The following TARDBP variants were observed in gnomAD, a reference collection of about 807,000 sequenced individuals.
TARDBP encodes TAR DNA binding protein, also known as TAR DNA-binding protein 43.
Under a neutral mutation model 38.3 loss-of-function variants are expected in TARDBP, and 4 were observed. The ratio of observed to expected loss-of-function variants is 0.10; its 90% CI spans 0.05 to 0.24. The LOEUF (loss-of-function observed/expected upper bound fraction) is 0.24, where lower values mean the gene tolerates loss of function less well. Ranked by LOEUF, TARDBP falls within the 10% of genes least tolerant of loss-of-function variation. TARDBP has a pLI of 1.00. For synonymous variants in TARDBP, 184 were observed against 183.8 expected, an observed-to-expected ratio of 1.00 and a Z score of -0.01; for missense variants, 202 against 521.9, an observed-to-expected ratio of 0.39 and a Z score of 5.97.
chr1:11,014,532 A>G (rs1023255841), intron 2 of TARDBP, among the ~76,000 whole-genome samples: 1 of 152,230 alleles, frequency 6.6e-6, no homozygotes, highest in Non-Finnish European at 1.5e-5. Context: ...AGCATTTTGA[A>G]GTAGTGTGCT....
chr1:11,019,590 A>T (rs893602841), intron 4 of TARDBP, among the ~76,000 whole-genome samples: 4 of 151,628 alleles, frequency 2.6e-5, no homozygotes, highest in African/African-American at 9.7e-5. Context: ...TTTGAGAGAG[A>T]GAGTCTCACT....
At chr1:11,029,194 G>C (rs939032510), downstream of TARDBP, among the ~76,000 whole-genome samples, 4 of 150,722 alleles carry the variant, frequency 2.7e-5, no homozygotes, top group Non-Finnish European at 4.4e-5. Context: ...TAGAGACGGA[G>C]TTTCACCATG....
chr1:11,017,337 G>T (rs1417670400), intron 3 of TARDBP, among the ~76,000 whole-genome samples: 1 of 151,866 alleles, frequency 6.6e-6, no homozygotes, highest in African/African-American at 2.4e-5. Flanking sequence ...CCTGTATCTG[G>T]GATTACAGGT....
At chr1:11,021,252 G>A (rs1005471696) in intron 5 of TARDBP, among the ~76,000 whole-genome samples, 1 of 151,914 alleles carries the variant, frequency 6.6e-6, no homozygotes, top group Non-Finnish European at 1.5e-5. Context: ...GATTGTCTTG[G>A]CTCAGCCTCC....
downstream of TARDBP, among the ~76,000 whole-genome samples, chr1:11,028,658 A>G (rs941274404): frequency 1.3e-5 from 2 of 152,028 alleles, no homozygotes; most frequent in African/African-American, 4.8e-5. Flanking sequence ...ATTTGAGCCA[A>G]ATAACACAAG....
At chr1:11,018,609 GT>G in intron 3 of TARDBP, 123 bp from the exon 4 acceptor site, 1 of 1,359,824 alleles carries the variant, frequency 7.4e-7, no homozygotes, top group Non-Finnish European at 1.0e-6. Flanking sequence ...GACTAACTTG[GT>G]TTAAGTTTTA....
chr1:11,017,054 T>C (rs1423064897), intron 3 of TARDBP, 47 bp downstream of exon 3: 1 of 1,588,722 alleles, frequency 6.3e-7, no homozygotes, highest in Non-Finnish European at 8.6e-7. Context: ...AGTGAATGAG[T>C]ATCTAGCATT....
chr1:11,028,701 T>TTTTTC (rs775107529), downstream of TARDBP, among the ~76,000 whole-genome samples: 1 of 50,870 alleles, frequency 2.0e-5, no homozygotes, highest in Non-Finnish European at 4.6e-5. Context: ...TTCTGGGTTT[T>TTTTTC]TTTTCTTTTT....
In TARDBP at chr1:11,019,138, A is replaced by G. The variant is rs74054480; in HGVS notation, c.543+265A>G. ...GGAAAAGAGAAAAGGTTATTTGTCAAGTTAATAGTTTCTTACATAGTTATA... is the reference window on the plus strand; with the variant it reads ...GGAAAAGAGAAAAGGTTATTTGTCAGGTTAATAGTTTCTTACATAGTTATA... On this transcript the variant is annotated intron_variant, in intron 4 of 5. Coordinates refer to ENST00000240185, the MANE Select transcript of TARDBP (RefSeq NM_007375.4). 3.8e-3 allele frequency: 1,844 copies of G among 482,606 alleles called. 29 individuals are homozygous for G. The highest frequency in any genetic ancestry group is 0.033 in the African/African-American group (1,705 of 51,268). The allele number at this position is 482,606 out of a possible 1,614,324, so 29.9% of individuals were successfully genotyped here. A position where few individuals can be genotyped will look rare whatever the true frequency, so the allele number is the denominator to read the frequency against.
intron 3 of TARDBP, 99 bp from the exon 4 acceptor site, chr1:11,018,634 A>C (rs2100848513): frequency 6.4e-7 from 1 of 1,558,676 alleles, no homozygotes; most frequent in South Asian, 1.1e-5. Flanking sequence ...CACTGCATCC[A>C]GTTGAAACCA....
chr1:11,020,414 TTTTGA>T lies in TARDBP; in HGVS notation c.544-8_544-4del, dbSNP rs1213479340. ...ACATATTTCTGAGTTTTTTTCTTCC[TTTTGA>T]TTTGATCAGCAAAGCCAAGATGAGC... On this transcript the variant is annotated splice_polypyrimidine_tract_variant and intron_variant, in intron 4 of 5. Transcript: ENST00000240185. The T allele has an allele frequency of 2.5e-6, 4 of 1,613,986 alleles. No individual in the cohort carries two copies. Among genetic ancestry groups the T allele is most frequent in the Non-Finnish European group, 3.4e-6 (4 of 1,179,992 alleles).
intron 2 of TARDBP, among the ~76,000 whole-genome samples, chr1:11,016,517 G>A (rs181092003): frequency 3.4e-4 from 52 of 152,272 alleles, no homozygotes; most frequent in Admixed American, 3.4e-3. Context: ...ATCTTCATCA[G>A]GATATACAAG....
chr1:11,013,011 C>A (rs565873313), intron 1 of TARDBP, among the ~76,000 whole-genome samples: 1 of 152,236 alleles, frequency 6.6e-6, no homozygotes, highest in Non-Finnish European at 1.5e-5. Context: ...CCGGAGCCTT[C>A]GGTACTTTGT....
intron 2 of TARDBP, among the ~76,000 whole-genome samples, chr1:11,015,346 C>G (rs1204780787): frequency 6.6e-6 from 1 of 151,554 alleles, no homozygotes; most frequent in African/African-American, 2.4e-5. Context: ...ATTAGCCAGG[C>G]GTGGTGGTTC....
At chr1:11,027,171 A>G (rs1643750222), downstream of TARDBP, 18 of 1,614,104 alleles carry the variant, frequency 1.1e-5, no homozygotes, top group East Asian at 2.2e-5. Flanking sequence ...ATGGTCAACA[A>G]TCGGTATGTC....
intron 2 of TARDBP, among the ~76,000 whole-genome samples, chr1:11,015,012 C>G (rs541470444): frequency 5.3e-4 from 81 of 151,740 alleles, no homozygotes; most frequent in African/African-American, 1.7e-3. Context: ...GAGGCTGAGG[C>G]AGGAGAATCG....
In TARDBP at chr1:11,014,015, G is replaced by A. The variant is rs1375876346; in HGVS notation, c.238+50G>A. ...ATCATGCTGAAGTGTGTTCAGGTGT[G>A]TGTCTCATCCATGGATCTTAGCCTC... On this transcript the variant is annotated intron_variant, in intron 2 of 5. Transcript: ENST00000240185. The A allele has an allele frequency of 2.5e-6, 4 of 1,569,378 alleles. No homozygotes were observed. In the African/African-American group the frequency reaches 4.0e-5, roughly 16 times the overall value.
At chr1:11,016,755 T>C (rs1213473989) in intron 2 of TARDBP, 89 bp from the exon 3 acceptor site, 1 of 1,374,646 alleles carries the variant, frequency 7.3e-7, no homozygotes, top group African/African-American at 1.4e-5. Context: ...GAGTCTTCTT[T>C]TTGCTTCTCA....
intron 3 of TARDBP, among the ~76,000 whole-genome samples, chr1:11,017,292 C>T (rs1347275453): frequency 6.6e-6 from 1 of 151,272 alleles, no homozygotes; most frequent in Non-Finnish European, 1.5e-5. Context: ...CAACCTCCAC[C>T]TCCCGGGTTT....
Sources: allele counts gnomAD v4.1 joint callset (sites outside exome capture counted in the v4.1 genomes callset), GRCh38; gene constraint gnomAD v4.1.1; transcripts MANE v1.5; gene names NCBI Gene and HGNC (gene_info 2026-07-23, HGNC 2026-07-21).